Variants in TAFA5 observed in about 807,000 individuals in gnomAD.
TAFA5 encodes the protein TAFA chemokine like family member 5, also known as chemokine-like protein TAFA-5.
A neutral mutation model predicts 15.3 loss-of-function variants in TAFA5; 6 were observed. The observed-to-expected ratio is 0.39, with a 90% confidence interval of 0.21 to 0.77. The LOEUF (loss-of-function observed/expected upper bound fraction) is 0.77, where lower values mean the gene tolerates loss of function less well. Ranked by LOEUF, TAFA5 falls within the 30% of genes least tolerant of loss-of-function variation. The probability of loss-of-function intolerance (pLI) is 0.41; values close to 1 mark genes in which losing one functional copy is unlikely to be tolerated. For missense variants in TAFA5, 161 were observed against 193.1 expected, an observed-to-expected ratio of 0.83 and a Z score of 0.98; for synonymous variants, 103 against 80.7, an observed-to-expected ratio of 1.28 and a Z score of -1.48.
chr22:48,719,864 T>C (rs1929517158), intron 3 of TAFA5, among the ~76,000 whole-genome samples: 1 of 152,172 alleles, frequency 6.6e-6, no homozygotes, highest in African/African-American at 2.4e-5. Context: ...TCAGCTAGTA[T>C]TGTAAGCAGT....
intron 3 of TAFA5, among the ~76,000 whole-genome samples, chr22:48,726,774 T>C (rs1455030955): frequency 1.3e-5 from 2 of 152,086 alleles, no homozygotes; most frequent in African/African-American, 4.8e-5. Flanking sequence ...AAGCTTGCAG[T>C]TTATATGGCA....
intron 2 of TAFA5, among the ~76,000 whole-genome samples, chr22:48,695,910 C>T (rs1230047266): frequency 6.6e-6 from 1 of 152,142 alleles, no homozygotes; most frequent in African/African-American, 2.4e-5. Flanking sequence ...CTTTCAAGCA[C>T]CACAGGGCCA....
chr22:48,639,673 G>A (rs969294134), intron 1 of TAFA5, among the ~76,000 whole-genome samples: 6 of 152,116 alleles, frequency 3.9e-5, no homozygotes, highest in African/African-American at 9.6e-5. Context: ...ACCAGCCCCC[G>A]CCTAGCACCT....
At chr22:48,622,105 T>C (rs1466278219) in intron 1 of TAFA5, among the ~76,000 whole-genome samples, 1 of 152,046 alleles carries the variant, frequency 6.6e-6, no homozygotes, top group African/African-American at 2.4e-5. Flanking sequence ...GCACCCTGAG[T>C]GGGAGACGCT....
At chr22:48,610,409 G>A (rs55792338) in intron 1 of TAFA5, among the ~76,000 whole-genome samples, 14,810 of 152,278 alleles carry the variant, frequency 0.097, 804 homozygotes, top group Admixed American at 0.12. Context: ...CCTGGCCGGC[G>A]TATAAATAAA....
intron 3 of TAFA5, among the ~76,000 whole-genome samples, chr22:48,746,519 C>G (rs575318551): frequency 6.6e-6 from 1 of 152,162 alleles, no homozygotes; most frequent in African/African-American, 2.4e-5. Context: ...GAGAGATGCT[C>G]ACGTGGTGCT....
intron 1 of TAFA5, among the ~76,000 whole-genome samples, chr22:48,629,916 G>A (rs1926155944): frequency 6.6e-6 from 1 of 152,224 alleles, no homozygotes; most frequent in East Asian, 1.9e-4. Context: ...TGGGAAATTG[G>A]AGCTGAGCTG....
At chr22:48,645,146 G>A (rs1192408187) in intron 1 of TAFA5, among the ~76,000 whole-genome samples, 1 of 152,234 alleles carries the variant, frequency 6.6e-6, no homozygotes, top group African/African-American at 2.4e-5. Flanking sequence ...CCAGGGAGCA[G>A]GTGCCCATGT....
intron 1 of TAFA5, among the ~76,000 whole-genome samples, chr22:48,526,787 A>G (rs539549352): frequency 6.6e-6 from 1 of 152,288 alleles, no homozygotes; most frequent in South Asian, 2.1e-4. Context: ...GGAAGAGGGG[A>G]ATTAGTTTAA....
intron 1 of TAFA5, among the ~76,000 whole-genome samples, chr22:48,576,820 G>A (rs1923827074): frequency 6.6e-6 from 1 of 151,756 alleles, no homozygotes. Flanking sequence ...CTGCGTTCTC[G>A]GTGCCTCTGG....
At chr22:48,646,512 C>T (rs1387365558) in intron 1 of TAFA5, 85 bp from the exon 2 acceptor site, 3 of 1,527,414 alleles carry the variant, frequency 2.0e-6, no homozygotes, top group South Asian at 1.3e-5. Context: ...GCTGGGGGCC[C>T]CTCTGTGGGT....
chr22:48,526,640 G>C (rs1921791191), intron 1 of TAFA5, among the ~76,000 whole-genome samples: 2 of 152,248 alleles, frequency 1.3e-5, no homozygotes, highest in African/African-American at 4.8e-5. Context: ...TACAAGAAGA[G>C]ACAATGTCCC....
rs1555903038 is a variant in TAFA5 at position 48,729,351 on chromosome 22, A to ATATTTATTTGTAAATATATATTTTTATAT, written c.391-20484_391-20483insTATTTGTAAATATATATTTTTATATTATT. The stretch of plus-strand genomic sequence containing the variant: ...TATTTATTTGTAAATATATATTTTT[A>ATATTTATTTGTAAATATATATTTTTATAT]TATTAGTATATAATAATTTATAAAT... On this transcript the variant is annotated intron_variant, in intron 3 of 3. Transcript: ENST00000402357. Among the ~76,000 whole-genome samples the ATATTTATTTGTAAATATATATTTTTATAT allele has an allele frequency of 2.5e-4, 35 of 141,688 alleles. 1 individual carries two copies. The highest frequency in any genetic ancestry group is 1.0e-3 in the Admixed American group (14 of 13,932). 93.0% of individuals were successfully genotyped at this position (141,688 alleles called of 152,430 possible). A position where few individuals can be genotyped will look rare whatever the true frequency, so the allele number is the denominator to read the frequency against.
chr22:48,723,621 C>G (rs952911763), intron 3 of TAFA5, among the ~76,000 whole-genome samples: 3 of 152,218 alleles, frequency 2.0e-5, no homozygotes, highest in African/African-American at 7.2e-5. Context: ...ACCATCCTCC[C>G]CCTGCCTGGA....
chr22:48,708,255 G>C (rs1220996362), intron 3 of TAFA5, among the ~76,000 whole-genome samples: 1 of 152,178 alleles, frequency 6.6e-6, no homozygotes, highest in Non-Finnish European at 1.5e-5. Flanking sequence ...CGGGGGTTCT[G>C]TGGAGACAGG....
Position 48,598,395 on chromosome 22 carries a change from G to C in TAFA5, c.113-48202G>C, listed in dbSNP as rs937112671. The stretch of plus-strand genomic sequence containing the variant: ...CCCATCACTTGGAGGTTATTTCCAG[G>C]GGGCAGTGGTGAGGGGCTGGCGCTG... On this transcript the variant is annotated intron_variant, in intron 1 of 3. Coordinates refer to ENST00000402357, the MANE Select transcript of TAFA5 (RefSeq NM_001082967.3). The surrounding 1 kb of genome is among the most constrained non-coding windows in gnomAD (Gnocchi z 4.0). Among the ~76,000 whole-genome samples, 3 of 152,174 alleles carry C rather than the reference G, an allele frequency of 2.0e-5. No homozygotes were observed. Among genetic ancestry groups the C allele is most frequent in the Admixed American group, 1.3e-4 (2 of 15,278 alleles).
At chr22:48,603,194 G>A (rs1425974438) in intron 1 of TAFA5, among the ~76,000 whole-genome samples, 1 of 152,236 alleles carries the variant, frequency 6.6e-6, no homozygotes, top group Non-Finnish European at 1.5e-5. Flanking sequence ...ATTCCTCTGG[G>A]CCCTCTCCTC....
At chr22:48,525,491 G>A (rs569858372) in intron 1 of TAFA5, among the ~76,000 whole-genome samples, 1 of 152,204 alleles carries the variant, frequency 6.6e-6, no homozygotes, top group East Asian at 1.9e-4. Context: ...GCTCATTCTC[G>A]CAAATGCCCC....
At chr22:48,559,778 C>T (rs1051672676) in intron 1 of TAFA5, among the ~76,000 whole-genome samples, 3 of 152,088 alleles carry the variant, frequency 2.0e-5, no homozygotes, top group Non-Finnish European at 4.4e-5. Context: ...CTTTGGGGAG[C>T]AGAGGGGACA....
Sources: allele counts gnomAD v4.1 joint callset (sites outside exome capture counted in the v4.1 genomes callset), GRCh38; gene constraint gnomAD v4.1.1; non-coding constraint Gnocchi (gnomAD v3.1); transcripts MANE v1.5; gene names NCBI Gene and HGNC (gene_info 2026-07-23, HGNC 2026-07-21).